Variants in RCAN1 observed in about 807,000 individuals in gnomAD.
RCAN1 encodes the protein calcipressin-1.
RCAN1 carries 11 observed loss-of-function variants against 22.9 expected under a neutral mutation model. That is an observed-to-expected ratio of 0.48 (90% CI 0.30 to 0.79). RCAN1 has a LOEUF of 0.79. Among genes scored for constraint, RCAN1 ranks in the 30% least tolerant of loss-of-function variants. RCAN1 has a pLI of 0.06. For synonymous variants in RCAN1, 136 were observed against 142.3 expected, an observed-to-expected ratio of 0.96 and a Z score of 0.32; for missense variants, 291 against 337.8, an observed-to-expected ratio of 0.86 and a Z score of 1.09.
intron 1 of RCAN1, chr21:34,526,939 A>T: frequency 1.4e-6 from 2 of 1,400,642 alleles, no homozygotes; most frequent in South Asian, 3.2e-5. Context: ...TCCTGAGTCA[A>T]GTCCTGCATG....
chr21:34,538,078 A>C (rs1985753627), intron 1 of RCAN1, among the ~76,000 whole-genome samples: 3 of 152,236 alleles, frequency 2.0e-5, no homozygotes, highest in Non-Finnish European at 4.4e-5. Context: ...ACAGAGGAAG[A>C]ATCTGAACTG....
rs1203097294 is a variant in RCAN1 at position 34,516,994 on chromosome 21, C to G, written c.*1090G>C. 6.6e-6 allele frequency: 1 copy of G among 152,650 alleles called. No individual in the cohort carries two copies. Among genetic ancestry groups the G allele is most frequent in the Non-Finnish European group, 1.5e-5 (1 of 68,044 alleles). 9.5% of individuals were successfully genotyped at this position (152,650 alleles called of 1,614,324 possible). Reference sequence around the variant, plus strand: ...ATTCAAGTCCTGTTAGACATGGGAACAGCTTTTCCTACAACATATGATTCA... The same window carrying G: ...ATTCAAGTCCTGTTAGACATGGGAAGAGCTTTTCCTACAACATATGATTCA... On this transcript the variant is annotated 3_prime_UTR_variant, in exon 4 of 4. Transcript: ENST00000313806.
rs1378963464 is a variant in RCAN1 at position 34,566,068 on chromosome 21, A to G, written c.253-42358T>C. Reference sequence around the variant, plus strand: ...GCAGAAGTGGAGATATTTCTGGCCTAAGGGAAAGGGGCACTATTTCAGAGC... The same window carrying G: ...GCAGAAGTGGAGATATTTCTGGCCTGAGGGAAAGGGGCACTATTTCAGAGC... On this transcript the variant is annotated intron_variant, in intron 1 of 3. Coordinates refer to ENST00000313806, the MANE Select transcript of RCAN1 (RefSeq NM_004414.7). Among the ~76,000 whole-genome samples, 7 of 152,184 alleles carry G rather than the reference A, an allele frequency of 4.6e-5. No individual in the cohort carries two copies. The East Asian group carries it at 1.3e-3, about 29-fold the overall frequency.
chr21:34,602,071 T>A (rs777354108), intron 1 of RCAN1, among the ~76,000 whole-genome samples: 78 of 152,140 alleles, frequency 5.1e-4, no homozygotes, highest in Non-Finnish European at 9.4e-4. Flanking sequence ...TAAAACAAGA[T>A]CCTTCATAAA....
intron 1 of RCAN1, among the ~76,000 whole-genome samples, chr21:34,601,582 G>A (rs932399225): frequency 6.6e-6 from 1 of 152,178 alleles, no homozygotes; most frequent in Admixed American, 6.5e-5. Flanking sequence ...ACTTTGGGAG[G>A]CCAAGGTGGG....
intron 1 of RCAN1, among the ~76,000 whole-genome samples, chr21:34,599,563 G>C (rs916241039): frequency 1.3e-5 from 2 of 152,170 alleles, no homozygotes; most frequent in Admixed American, 1.3e-4. Context: ...CTAATACTAC[G>C]TAATGTAAAC....
chr21:34,532,949 A>T (rs559192024), intron 1 of RCAN1, among the ~76,000 whole-genome samples: 2 of 143,152 alleles, frequency 1.4e-5, no homozygotes, highest in South Asian at 4.4e-4. Flanking sequence ...TCATATGATA[A>T]AAAACAAAAT....
At chr21:34,552,170 C>G (rs1986393051) in intron 1 of RCAN1, among the ~76,000 whole-genome samples, 2 of 152,126 alleles carry the variant, frequency 1.3e-5, no homozygotes, top group Non-Finnish European at 2.9e-5. Flanking sequence ...GCACGATACC[C>G]TTTAGGGTTT....
chr21:34,531,604 C>A (rs1442033682), intron 1 of RCAN1, among the ~76,000 whole-genome samples: 1 of 152,238 alleles, frequency 6.6e-6, no homozygotes, highest in Non-Finnish European at 1.5e-5. Flanking sequence ...AGCTCGGTCA[C>A]GTTCCTCTCC....
chr21:34,603,424 G>A (rs1388749306), intron 1 of RCAN1, among the ~76,000 whole-genome samples: 1 of 152,176 alleles, frequency 6.6e-6, no homozygotes, highest in Non-Finnish European at 1.5e-5. Context: ...GATGGCGCTG[G>A]GAAAGGGGAG....
chr21:34,582,849 G>A (rs1987664457), intron 1 of RCAN1, among the ~76,000 whole-genome samples: 1 of 152,124 alleles, frequency 6.6e-6, no homozygotes, highest in Non-Finnish European at 1.5e-5. Flanking sequence ...GGTGAGAGAG[G>A]GAGGGTAAAA....
At chr21:34,556,429 A>AAAAAAAAAAAATAATAAT (rs139994182) in intron 1 of RCAN1, among the ~76,000 whole-genome samples, 1 of 145,540 alleles carries the variant, frequency 6.9e-6, no homozygotes, top group East Asian at 2.0e-4. Flanking sequence ...TTGTCTCAAA[A>AAAAAAAAAAAATAATAAT]AATAATAATA....
Position 34,614,151 on chromosome 21 carries a change from C to A in RCAN1, c.252+609G>T. On this transcript the variant is annotated intron_variant, in intron 1 of 3. Transcript: ENST00000313806. This position sits in a 1 kb window ranked among gnomAD's most constrained non-coding sequence, Gnocchi z 6.0. The stretch of plus-strand genomic sequence containing the variant: ...GTGTCCCCGATGGCGGCAAGCCACA[C>A]CTTCACACAAGGGGGCAAGGTTCTT... 1.2e-6 allele frequency: 1 copy of A among 839,010 alleles called. No individual in the cohort carries two copies. The highest frequency in any genetic ancestry group is 1.5e-6 in the Non-Finnish European group (1 of 671,444). The allele number at this position is 839,010 out of a possible 1,614,324, so 52.0% of individuals were successfully genotyped here.
chr21:34,577,758 G>A (rs773362954), intron 1 of RCAN1, among the ~76,000 whole-genome samples: 2 of 152,200 alleles, frequency 1.3e-5, no homozygotes. Context: ...TCCTGAGCAC[G>A]GGAGAGTGGA....
intron 1 of RCAN1, among the ~76,000 whole-genome samples, chr21:34,541,991 T>C (rs147851269): frequency 2.0e-5 from 3 of 152,320 alleles, no homozygotes; most frequent in African/African-American, 7.2e-5. Context: ...AACACATTTT[T>C]AAAATTTTGG....
rs1218663087 is a variant in RCAN1 at position 34,614,556 on chromosome 21, G to C, written c.252+204C>G. On this transcript the variant is annotated intron_variant, in intron 1 of 3. Coordinates refer to ENST00000313806, the MANE Select transcript of RCAN1 (RefSeq NM_004414.7). This position sits in a 1 kb window ranked among gnomAD's most constrained non-coding sequence, Gnocchi z 6.0. ...TGGGACTCTGCAGTGAGCTCCGCGC[G>C]CCCCGGGGGTGCTAGGGGACCGGGA... The C allele has an allele frequency of 1.0e-4, 103 of 1,000,576 alleles. No individual in the cohort carries two copies. The highest frequency in any genetic ancestry group is 1.2e-4 in the Non-Finnish European group (99 of 819,668). The allele number at this position is 1,000,576 out of a possible 1,614,324, so 62.0% of individuals were successfully genotyped here.
intron 1 of RCAN1, among the ~76,000 whole-genome samples, chr21:34,562,002 G>C (rs1304254317): frequency 6.6e-6 from 1 of 152,154 alleles, no homozygotes; most frequent in Non-Finnish European, 1.5e-5. Context: ...GTGCACTGGT[G>C]CCACACTCAA....
chr21:34,530,942 G>A (rs1016729774), intron 1 of RCAN1, among the ~76,000 whole-genome samples: 1 of 152,118 alleles, frequency 6.6e-6, no homozygotes, highest in Non-Finnish European at 1.5e-5. Flanking sequence ...ATAGAATGTG[G>A]AGCATTGTTC....
At chr21:34,545,372 T>A (rs1328502970) in intron 1 of RCAN1, among the ~76,000 whole-genome samples, 2 of 152,192 alleles carry the variant, frequency 1.3e-5, no homozygotes, top group African/African-American at 4.8e-5. Context: ...AGTGCCTGAG[T>A]GTGGGTGTCC....
Sources: gnomAD v4.1 joint callset for allele counts (sites outside exome capture counted in the v4.1 genomes callset) on GRCh38, gnomAD v4.1.1 for gene constraint, Gnocchi (gnomAD v3.1) non-coding constraint, MANE v1.5 for transcripts, NCBI Gene and HGNC (gene_info 2026-07-23, HGNC 2026-07-21) for gene names.